PARVA: variants seen among roughly 807,000 people sequenced by gnomAD.
The protein encoded by PARVA is parvin alpha.
PARVA carries 25 observed loss-of-function variants against 52.6 expected under a neutral mutation model. That is an observed-to-expected ratio of 0.48 (90% confidence interval 0.35 to 0.66). PARVA has a LOEUF of 0.66. Among genes scored for constraint, PARVA ranks in the 30% least tolerant of loss-of-function variants. PARVA has a pLI of 0.01. For synonymous variants in PARVA, 185 were observed against 179.1 expected (o/e 1.03, Z -0.26); for missense variants, 373 against 450.9 (o/e 0.83, Z 1.56).
intron 1 of PARVA, among the ~76,000 whole-genome samples, chr11:12,400,645 C>A (rs1414778954): frequency 2.0e-5 from 3 of 152,160 alleles, no homozygotes. Flanking sequence ...ATTTCTTCAG[C>A]CTTATTAAAA....
chr11:12,406,914 C>G (rs142541207), intron 1 of PARVA, among the ~76,000 whole-genome samples: 12,452 of 152,076 alleles, frequency 0.082, 590 homozygotes, highest in African/African-American at 0.14. Flanking sequence ...TCATGATCCA[C>G]CTGCCTCGGC....
intron 1 of PARVA, among the ~76,000 whole-genome samples, chr11:12,432,131 G>A (rs56285900): frequency 0.12 from 18,342 of 152,108 alleles, 2,027 homozygotes; most frequent in African/African-American, 0.29. Context: ...CTTTGCTTTG[G>A]GTTGGGAAAT....
rs1941782672 is a variant in PARVA at position 12,532,364 on chromosome 11, C to A, written c.*4439C>A. ...TTGGAGCGCACCTCAGAGTCCCCTA[C>A]ATAATGCGTATTAGGACTTTCTAAG... On this transcript the variant is annotated 3_prime_UTR_variant, in exon 13 of 13. Coordinates refer to ENST00000334956, the MANE Select transcript of PARVA (RefSeq NM_018222.5). Among the ~76,000 whole-genome samples the A allele has an allele frequency of 6.6e-6, 1 of 152,202 alleles. No individual in the cohort carries two copies. Among genetic ancestry groups the A allele is most frequent in the Non-Finnish European group, 1.5e-5 (1 of 68,046 alleles).
chr11:12,504,568 A>T (rs1941409736), intron 6 of PARVA, 139 bp downstream of exon 6: 3 of 627,030 alleles, frequency 4.8e-6, no homozygotes, highest in Non-Finnish European at 8.7e-6. Flanking sequence ...ATTGGGAGGC[A>T]CTGAATGAGC....
chr11:12,388,373 A>G lies in PARVA; in HGVS notation c.136+10590A>G, dbSNP rs531396648. Among the ~76,000 whole-genome samples, 16 of 152,364 alleles carry G rather than the reference A, an allele frequency of 1.1e-4. No individual in the cohort carries two copies. In the South Asian group the frequency reaches 2.7e-3, roughly 26 times the overall value. ...CCTGCCAAAGCCTTAGTAAACCGAC[A>G]CGTGACCAGTGTCACTGTCTTTGCT... On this transcript the variant is annotated intron_variant, in intron 1 of 12. Coordinates refer to ENST00000334956, the MANE Select transcript of PARVA (RefSeq NM_018222.5).
rs1161639276 is a variant in PARVA, at chr11:12,530,406, C to T, written c.*2481C>T. The T allele has an allele frequency of 1.3e-5, 2 of 151,834 alleles. No individual in the cohort carries two copies. Among genetic ancestry groups the T allele is most frequent in the East Asian group, 3.9e-4 (2 of 5,168 alleles). The allele number at this position is 151,834 out of a possible 1,614,324, so 9.4% of individuals were successfully genotyped here. On this transcript the variant is annotated 3_prime_UTR_variant, in exon 13 of 13. Transcript: ENST00000334956. ...TCTTTAAAAAAAAGAAAAAAGAAAC[C>T]AAAATGAGAATCAACACTTCATAGG... is the stretch of plus-strand genomic sequence containing the variant.
At chr11:12,467,688 A>AAATTAAT (rs2135030002) in intron 1 of PARVA, among the ~76,000 whole-genome samples, 1 of 152,348 alleles carries the variant, frequency 6.6e-6, no homozygotes, top group East Asian at 1.9e-4. Context: ...AGGGGACTAG[A>AAATTAAT]AATTAATAAT....
intron 1 of PARVA, among the ~76,000 whole-genome samples, chr11:12,470,571 A>G (rs1295162856): frequency 6.6e-6 from 1 of 152,220 alleles, no homozygotes; most frequent in Non-Finnish European, 1.5e-5. Flanking sequence ...GGGGGATCTA[A>G]TAGTGAACAA....
intron 1 of PARVA, among the ~76,000 whole-genome samples, chr11:12,452,476 A>G (rs1046863134): frequency 1.3e-5 from 2 of 152,216 alleles, no homozygotes; most frequent in Non-Finnish European, 2.9e-5. Flanking sequence ...CTTTGAGAGC[A>G]CAGCATAGCC....
At chr11:12,405,471 G>A (rs570460864) in intron 1 of PARVA, among the ~76,000 whole-genome samples, 2 of 152,158 alleles carry the variant, frequency 1.3e-5, no homozygotes, top group African/African-American at 4.8e-5. Context: ...AGGCTGAGCG[G>A]GAGGATCACT....
intron 10 of PARVA, 40 bp downstream of exon 10, chr11:12,514,105 G>T: frequency 6.6e-7 from 1 of 1,517,574 alleles, no homozygotes; most frequent in Non-Finnish European, 9.1e-7. Context: ...GCAGGGCCCT[G>T]CCCTACAGCC....
At chr11:12,448,028 T>C (rs1020635275) in intron 1 of PARVA, among the ~76,000 whole-genome samples, 2 of 152,252 alleles carry the variant, frequency 1.3e-5, no homozygotes, top group Non-Finnish European at 2.9e-5. Context: ...AGTTCTCCTC[T>C]CTTTCCCTCA....
At chr11:12,450,055 C>T (rs1337468436) in intron 1 of PARVA, among the ~76,000 whole-genome samples, 1 of 152,174 alleles carries the variant, frequency 6.6e-6, no homozygotes, top group African/African-American at 2.4e-5. Context: ...TTGTTGTTAT[C>T]CCATTTTACT....
intron 1 of PARVA, 149 bp downstream of exon 1, chr11:12,377,932 A>G (rs1939425547): frequency 3.6e-6 from 1 of 276,682 alleles, no homozygotes; most frequent in South Asian, 1.5e-4. Context: ...CTTCCCGGGT[A>G]CGTCGGGCAG....
At chr11:12,438,094 A>G (rs1416625107) in intron 1 of PARVA, among the ~76,000 whole-genome samples, 2 of 151,960 alleles carry the variant, frequency 1.3e-5, no homozygotes, top group African/African-American at 4.8e-5. Flanking sequence ...CCCTGTCTCT[A>G]CTAAAAATAC....
Position 12,529,230 on chromosome 11 carries a change from C to T in PARVA, c.*1305C>T, listed in dbSNP as rs1941742240. On this transcript the variant is annotated 3_prime_UTR_variant, in exon 13 of 13. Coordinates refer to ENST00000334956, the MANE Select transcript of PARVA (RefSeq NM_018222.5). ...TTTCTTTGCGTGGGTTACTCAAGGG[C>T]TTGTGGTTACTTGTATCTCCTCTAT... The T allele has an allele frequency of 6.6e-6, 1 of 152,112 alleles. No homozygotes were observed. Among genetic ancestry groups the T allele is most frequent in the Non-Finnish European group, 1.5e-5 (1 of 68,034 alleles). The allele number at this position is 152,112 out of a possible 1,614,324, so 9.4% of individuals were successfully genotyped here.
chr11:12,497,716 A>G (rs1312467096), intron 5 of PARVA, among the ~76,000 whole-genome samples: 1 of 152,202 alleles, frequency 6.6e-6, no homozygotes, highest in Non-Finnish European at 1.5e-5. Context: ...TGGGCCCTAG[A>G]TGCTATCAAG....
At chr11:12,452,219 C>A (rs1287936382) in intron 1 of PARVA, among the ~76,000 whole-genome samples, 1 of 152,086 alleles carries the variant, frequency 6.6e-6, no homozygotes, top group South Asian at 2.1e-4. Context: ...TTAAGCCAAC[C>A]AAGCAGCAAA....
chr11:12,511,891 C>T (rs1005956249), intron 8 of PARVA, among the ~76,000 whole-genome samples: 41 of 152,232 alleles, frequency 2.7e-4, no homozygotes, highest in African/African-American at 8.7e-4. Context: ...CACTTAACTC[C>T]GAGTTTATTA....
Sources: gnomAD v4.1 joint callset for allele counts (sites outside exome capture counted in the v4.1 genomes callset) on GRCh38, gnomAD v4.1.1 for gene constraint, MANE v1.5 for transcripts, NCBI Gene and HGNC (gene_info 2026-07-23, HGNC 2026-07-21) for gene names.